Variants in PIN4 observed in about 807,000 individuals in gnomAD.
PIN4 encodes the protein peptidylprolyl cis/trans isomerase, NIMA-interacting 4.
In PIN4, 3 loss-of-function variants were observed where a neutral mutation model predicts 8.3. The ratio of observed to expected loss-of-function variants is 0.36; its 90% CI spans 0.16 to 0.93. The LOEUF is 0.93. PIN4 is among the 40% of genes least tolerant of loss of function. The probability of loss-of-function intolerance (pLI) is 0.44; values close to 1 mark genes in which losing one functional copy is unlikely to be tolerated. For missense variants in PIN4, 75 were observed against 100.6 expected (o/e 0.75, Z 1.09); for synonymous variants, 18 against 32.5 (o/e 0.55, Z 1.52).
downstream of PIN4, among the ~76,000 whole-genome samples, chrX:72,201,349 T>C (rs1043613221): frequency 3.6e-5 from 4 of 112,317 alleles, no homozygotes; most frequent in Non-Finnish European, 7.5e-5. Flanking sequence ...CCCAGTTCTT[T>C]GGGGGGCCGA....
chrX:72,249,349 C>T (rs1298285931), intron 3 of PIN4, among the ~76,000 whole-genome samples: 1 of 112,471 alleles, frequency 8.9e-6, no homozygotes, highest in Non-Finnish European at 1.9e-5. Flanking sequence ...TAAGTCTCAT[C>T]TTTTGCTGGT....
At chrX:72,262,980 C>A in exon 4 of PIN4, 1 of 370,442 alleles carries the variant, frequency 2.7e-6, no homozygotes, top group Admixed American at 4.5e-5. Flanking sequence ...GGAAACCAGA[C>A]AGATGTGGGG....
chrX:72,219,983 T>C (rs752481818), intron 3 of PIN4, among the ~76,000 whole-genome samples: 1 of 111,530 alleles, frequency 9.0e-6, no homozygotes, highest in South Asian at 3.8e-4. Flanking sequence ...TTAAGTACAA[T>C]GTTAGCTATG....
chrX:72,213,642 T>A (rs1401614639), intron 3 of PIN4, among the ~76,000 whole-genome samples: 1 of 112,371 alleles, frequency 8.9e-6, no homozygotes, highest in Non-Finnish European at 1.9e-5. Context: ...AAGGCGCCCA[T>A]TGCCGCTCCC....
chrX:72,247,964 T>TCCCAGAA (rs1157443949), intron 3 of PIN4, among the ~76,000 whole-genome samples: 1 of 111,642 alleles, frequency 9.0e-6, no homozygotes, highest in Non-Finnish European at 1.9e-5. Context: ...AGAGCTCTTC[T>TCCCAGAA]CACAGCCCAG....
chrX:72,246,530 C>T (rs919548273), intron 3 of PIN4, among the ~76,000 whole-genome samples: 1 of 111,827 alleles, frequency 8.9e-6, no homozygotes, highest in Non-Finnish European at 1.9e-5. Context: ...AGATCAAGTC[C>T]TGCCTCCTTA....
intron 3 of PIN4, among the ~76,000 whole-genome samples, chrX:72,248,265 G>T (rs1042725387): frequency 1.2e-5 from 1 of 84,346 alleles, no homozygotes; most frequent in Non-Finnish European, 2.2e-5. Flanking sequence ...CTCCTTTTGC[G>T]CCTAGGACAT....
rs182955364 is a variant in PIN4 at position 72,197,002 on chromosome X, A to T, written c.237+98A>T. ...AAGATAAAAATTCTCCATCCTCCACAGAAGAAACACAGAAGTAGGGATCAT... is the reference window on the plus strand; with the variant it reads ...AAGATAAAAATTCTCCATCCTCCACTGAAGAAACACAGAAGTAGGGATCAT... On this transcript the variant is annotated intron_variant, in intron 3 of 3. Coordinates refer to ENST00000373669, the MANE Select transcript of PIN4 (RefSeq NM_006223.4). 2.6e-5 allele frequency: 20 copies of T among 762,152 alleles called. No homozygotes were observed. The Admixed American group carries it at 5.2e-4, about 20-fold the overall frequency. The allele number at this position is 762,152 out of a possible 1,213,427, so 62.8% of individuals were successfully genotyped here.
intron 3 of PIN4, among the ~76,000 whole-genome samples, chrX:72,233,104 A>T (rs949693967): frequency 8.0e-5 from 9 of 111,824 alleles, no homozygotes; most frequent in African/African-American, 2.9e-4. Flanking sequence ...GTAATCACTG[A>T]ACCCATTGAT....
chrX:72,228,358 T>TA (rs2042965117), intron 3 of PIN4, among the ~76,000 whole-genome samples: 1 of 111,821 alleles, frequency 8.9e-6, no homozygotes, highest in Non-Finnish European at 1.9e-5. Flanking sequence ...AAATCATTCT[T>TA]ACCATACCCA....
chrX:72,260,860 C>T (rs1397537886), intron 3 of PIN4, among the ~76,000 whole-genome samples: 1 of 111,875 alleles, frequency 8.9e-6, no homozygotes, highest in Non-Finnish European at 1.9e-5. Context: ...TCCCTTCTTT[C>T]CGTCCCCATG....
chrX:72,258,972 A>G (rs1283737781), intron 3 of PIN4, among the ~76,000 whole-genome samples: 1 of 111,902 alleles, frequency 8.9e-6, no homozygotes, highest in African/African-American at 3.3e-5. Flanking sequence ...ATTTTTTTAC[A>G]AAAGGGTAAG....
intron 3 of PIN4, among the ~76,000 whole-genome samples, chrX:72,237,464 A>G (rs899719066): frequency 2.7e-5 from 3 of 111,293 alleles, no homozygotes; most frequent in Non-Finnish European, 5.7e-5. Context: ...CGGGTGTGTT[A>G]GCGGGCGCCT....
Position 72,198,186 on chromosome X carries a change from T to C in PIN4, c.*660T>C, listed in dbSNP as rs1256492081. The C allele has an allele frequency of 6.7e-5, 50 of 748,049 alleles. No homozygotes were observed. Among genetic ancestry groups the C allele is most frequent in the Non-Finnish European group, 7.6e-5 (48 of 634,407 alleles). The allele number at this position is 748,049 out of a possible 1,213,427, so 61.6% of individuals were successfully genotyped here. Reference sequence around the variant, plus strand: ...AAAAATGTCATTCCCTCATCTTCAGTGTATGGGTTACATTAAGACTGTCCT... The same window carrying C: ...AAAAATGTCATTCCCTCATCTTCAGCGTATGGGTTACATTAAGACTGTCCT... On this transcript the variant is annotated 3_prime_UTR_variant, in exon 4 of 4. Transcript: ENST00000373669.
At chrX:72,246,593 G>A (rs772129743) in intron 3 of PIN4, among the ~76,000 whole-genome samples, 5 of 111,567 alleles carry the variant, frequency 4.5e-5, no homozygotes, top group East Asian at 2.8e-4. Context: ...CTCTGGCCAC[G>A]TCTTACTTCT....
chrX:72,191,186 A>C (rs1490089570), intron 2 of PIN4, among the ~76,000 whole-genome samples: 2 of 109,853 alleles, frequency 1.8e-5, no homozygotes, highest in African/African-American at 6.7e-5. Flanking sequence ...CTAAAAAAAT[A>C]CGAGTGCCTA....
At chrX:72,205,564 A>T (rs2042813376) in intron 3 of PIN4, 2 of 1,211,149 alleles carry the variant, frequency 1.7e-6, no homozygotes, top group African/African-American at 3.5e-5. Flanking sequence ...TGGTGGACTG[A>T]TGTCATTTTT....
chrX:72,240,637 C>T (rs751191711), intron 3 of PIN4, among the ~76,000 whole-genome samples: 1 of 109,803 alleles, frequency 9.1e-6, no homozygotes, highest in East Asian at 2.9e-4. Flanking sequence ...GTGAAACCCC[C>T]GTCTCTACAA....
intron 3 of PIN4, among the ~76,000 whole-genome samples, chrX:72,242,032 T>A (rs1322743008): frequency 9.0e-6 from 1 of 111,310 alleles, no homozygotes; most frequent in East Asian, 2.8e-4. Flanking sequence ...GAAGGCCATG[T>A]CTGGTTGTGC....
Sources: gnomAD v4.1 joint callset for allele counts (sites outside exome capture counted in the v4.1 genomes callset) on GRCh38, gnomAD v4.1.1 for gene constraint, MANE v1.5 for transcripts, NCBI Gene and HGNC (gene_info 2026-07-23, HGNC 2026-07-21) for gene names.